Variants in ACTL8 observed in about 807,000 individuals in gnomAD.
ACTL8 encodes actin-like protein 8.
ACTL8 carries 3 observed loss-of-function variants against 9.3 expected under a neutral mutation model. That is an observed-to-expected ratio of 0.32 (90% CI 0.15 to 0.83). ACTL8 has a LOEUF of 0.83. Among genes scored for constraint, ACTL8 ranks in the 40% least tolerant of loss-of-function variants. The pLI, the probability that ACTL8 is intolerant of heterozygous loss-of-function variation, is 0.57. For synonymous variants in ACTL8, 224 were observed against 205.9 expected (o/e 1.09, Z -0.75); for missense variants, 381 against 492.2 (o/e 0.77, Z 2.14).
chr1:17,798,359 G>A (rs1008983421), intron 1 of ACTL8, among the ~76,000 whole-genome samples: 4 of 152,156 alleles, frequency 2.6e-5, no homozygotes, highest in African/African-American at 9.7e-5. Flanking sequence ...CTGGGGAGGG[G>A]CCAGGAGGGC....
chr1:17,800,629 A>G (rs140373670), intron 1 of ACTL8, among the ~76,000 whole-genome samples: 48 of 107,546 alleles, frequency 4.5e-4, no homozygotes, highest in Non-Finnish European at 6.7e-4. Flanking sequence ...GTCTCGCACT[A>G]TTGTTGCCAG....
At chr1:17,774,263 A>C (rs1425966747) in intron 1 of ACTL8, among the ~76,000 whole-genome samples, 1 of 152,048 alleles carries the variant, frequency 6.6e-6, no homozygotes, top group Non-Finnish European at 1.5e-5. Context: ...CATTTTGCTA[A>C]TGAGGAAAGC....
chr1:17,801,514 A>G (rs558469360), intron 1 of ACTL8, among the ~76,000 whole-genome samples: 1 of 152,364 alleles, frequency 6.6e-6, no homozygotes, highest in Non-Finnish European at 1.5e-5. Context: ...ATAGTCATAC[A>G]TAACTCATAA....
rs55738309 is a variant in ACTL8, at chr1:17,823,118, C to A, written c.110C>A (p.Pro37Gln). Residue 37 changes from proline to glutamine, a missense_variant, in exon 2 of 3, where the codon CCG (proline) becomes CAG (glutamine). Physicochemically the swap from Pro to Gln is moderately conservative, Grantham distance 76. Transcript: ENST00000375406. This position sits in a 1 kb window ranked among gnomAD's most constrained non-coding sequence, Gnocchi z 5.3. ...TTCCCGAACATCGTGAACTACCTAC[C>A]GTGCAAGGAGAACCCTGGCCCCAGC... ...MVFPNIVNYL[P>Q]CKENPGPSYA... 3,908 of 1,614,212 alleles carry A rather than the reference C, an allele frequency of 2.4e-3. 12 individuals are homozygous for A. The highest frequency in any genetic ancestry group is 2.9e-3 in the Non-Finnish European group (3,463 of 1,180,042).
intron 1 of ACTL8, among the ~76,000 whole-genome samples, chr1:17,763,110 A>G (rs938930715): frequency 2.0e-5 from 3 of 152,112 alleles, no homozygotes; most frequent in African/African-American, 7.2e-5. Context: ...TCATCCTGCA[A>G]TGAAAGAGCC....
chr1:17,808,256 A>G (rs968035550), intron 1 of ACTL8, among the ~76,000 whole-genome samples: 2 of 152,228 alleles, frequency 1.3e-5, no homozygotes, highest in South Asian at 4.1e-4. Context: ...GACCCCAGGG[A>G]CACATTAACA....
At chr1:17,766,222 A>G (rs1397684228) in intron 1 of ACTL8, among the ~76,000 whole-genome samples, 2 of 152,072 alleles carry the variant, frequency 1.3e-5, no homozygotes, top group Non-Finnish European at 2.9e-5. Context: ...TGACTAATAG[A>G]TGTGATGTGT....
intron 1 of ACTL8, among the ~76,000 whole-genome samples, chr1:17,813,875 C>T (rs898633742): frequency 7.9e-5 from 12 of 152,114 alleles, no homozygotes; most frequent in African/African-American, 2.9e-4. Context: ...ATCTATTTTA[C>T]CTAAATTGTC....
intron 1 of ACTL8, among the ~76,000 whole-genome samples, chr1:17,801,727 A>G (rs1462552214): frequency 6.6e-6 from 1 of 152,264 alleles, no homozygotes; most frequent in Admixed American, 6.5e-5. Flanking sequence ...GAAGCTTTCA[A>G]AAAGTTTTTC....
intron 1 of ACTL8, among the ~76,000 whole-genome samples, chr1:17,794,070 A>G (rs529053028): frequency 1.2e-4 from 18 of 152,218 alleles, no homozygotes; most frequent in African/African-American, 4.1e-4. Context: ...TTATGTGGCA[A>G]TCTCTCTTGC....
At chr1:17,790,486 T>C (rs1278477809) in intron 1 of ACTL8, among the ~76,000 whole-genome samples, 4 of 151,602 alleles carry the variant, frequency 2.6e-5, no homozygotes, top group Non-Finnish European at 4.4e-5. Flanking sequence ...GGCCCTGGAG[T>C]GGGTAACTCC....
intron 1 of ACTL8, among the ~76,000 whole-genome samples, chr1:17,776,720 G>A (rs760284779): frequency 2.0e-5 from 3 of 152,104 alleles, no homozygotes; most frequent in Admixed American, 6.6e-5. Context: ...AAATAAGGCC[G>A]ATTCTAGCAC....
rs931619042 is a variant in ACTL8 at position 17,767,739 on chromosome 1, T to C, written c.-25+12235T>C. On this transcript the variant is annotated intron_variant, in intron 1 of 2. Coordinates refer to ENST00000375406, the MANE Select transcript of ACTL8 (RefSeq NM_030812.3). This position sits in a 1 kb window ranked among gnomAD's most constrained non-coding sequence, Gnocchi z 4.7. ...GCTTTATGTGTTGCCTGCTCAGTTA[T>C]GTCTCATTGTTGCCTTTATTTACTT... 4.6e-5 allele frequency among the ~76,000 whole-genome samples: 7 copies of C among 152,244 alleles called. No homozygotes were observed. The highest frequency in any genetic ancestry group is 1.0e-4 in the Non-Finnish European group (7 of 68,046).
chr1:17,820,097 C>T (rs1342577970), intron 1 of ACTL8, among the ~76,000 whole-genome samples: 2 of 152,172 alleles, frequency 1.3e-5, no homozygotes, highest in Non-Finnish European at 2.9e-5. Flanking sequence ...GTGTGCCCAG[C>T]TCCACAAACA....
At position 17,791,320 on chromosome 1, in the gene ACTL8, G is replaced by A. The variant is rs556747894; in HGVS notation, c.-24-31665G>A. Among the ~76,000 whole-genome samples, 74 of 152,274 alleles carry A rather than the reference G, an allele frequency of 4.9e-4. No homozygotes were observed. The Middle Eastern group carries it at 0.014, about 28-fold the overall frequency. On this transcript the variant is annotated intron_variant, in intron 1 of 2. Coordinates refer to ENST00000375406, the MANE Select transcript of ACTL8 (RefSeq NM_030812.3). ...TGGCAGCAGCTGCTTCAGATGGCTCGCTGCTGCCATCACCTTGATACCACC... is the reference window on the plus strand; with the variant it reads ...TGGCAGCAGCTGCTTCAGATGGCTCACTGCTGCCATCACCTTGATACCACC...
At position 17,772,555 on chromosome 1, in the gene ACTL8, A is replaced by G. The variant is rs186042165; in HGVS notation, c.-25+17051A>G. On this transcript the variant is annotated intron_variant, in intron 1 of 2. Coordinates refer to ENST00000375406, the MANE Select transcript of ACTL8 (RefSeq NM_030812.3). ...ACACCAGGGATGTTGGGGCAGCTCC[A>G]CAATTCTGACCACACAAACTCAGCA... Among the ~76,000 whole-genome samples, 535 of 152,326 alleles carry G rather than the reference A, an allele frequency of 3.5e-3. 5 individuals are homozygous for G. The highest frequency in any genetic ancestry group is 3.5e-3 in the Non-Finnish European group (240 of 68,034).
chr1:17,768,367 T>TTTGACCTTGTG (rs1434348062), intron 1 of ACTL8, among the ~76,000 whole-genome samples: 2 of 152,144 alleles, frequency 1.3e-5, no homozygotes, highest in East Asian at 1.9e-4. Flanking sequence ...GCAGGGCTCA[T>TTTGACCTTGTG]GTTCAACAGT....
intron 1 of ACTL8, among the ~76,000 whole-genome samples, chr1:17,768,308 C>A (rs2066060030): frequency 6.6e-6 from 1 of 152,148 alleles, no homozygotes; most frequent in Non-Finnish European, 1.5e-5. Flanking sequence ...AGAGAGGGGA[C>A]CTAACTGGTG....
intron 1 of ACTL8, among the ~76,000 whole-genome samples, chr1:17,812,542 G>A (rs977570815): frequency 1.4e-5 from 2 of 146,870 alleles, no homozygotes; most frequent in African/African-American, 5.0e-5. Flanking sequence ...CAATTCTCCT[G>A]CCTCAGCCTC....
Sources: gnomAD v4.1 joint callset for allele counts (sites outside exome capture counted in the v4.1 genomes callset) on GRCh38, gnomAD v4.1.1 for gene constraint, Gnocchi (gnomAD v3.1) non-coding constraint, MANE v1.5 for transcripts, NCBI Gene and HGNC (gene_info 2026-07-23, HGNC 2026-07-21) for gene names.